IL12B: variants seen among roughly 807,000 people sequenced by gnomAD.
IL12B encodes the protein interleukin 12B.
In IL12B, 27 loss-of-function variants were observed where a neutral mutation model predicts 39.2. The ratio of observed to expected loss-of-function variants is 0.69; its 90% CI spans 0.51 to 0.95. The LOEUF (loss-of-function observed/expected upper bound fraction) is 0.95, where lower values mean the gene tolerates loss of function less well. IL12B is among the 40% of genes least tolerant of loss of function. IL12B has a pLI of 0.00. For synonymous variants in IL12B, 142 were observed against 152.1 expected, an observed-to-expected ratio of 0.93 and a Z score of 0.49; for missense variants, 351 against 397.6, an observed-to-expected ratio of 0.88 and a Z score of 1.00.
intron 7 of IL12B, among the ~76,000 whole-genome samples, 182 bp from the exon 8 acceptor site, chr5:159,316,282 G>T (rs1753988164): frequency 6.6e-6 from 1 of 152,316 alleles, no homozygotes; most frequent in South Asian, 2.1e-4. Context: ...TTTCTTGAGG[G>T]TTTTCTTAAA....
At chr5:159,327,957 C>T (rs1182167458) in intron 1 of IL12B, among the ~76,000 whole-genome samples, 1 of 152,184 alleles carries the variant, frequency 6.6e-6, no homozygotes, top group Non-Finnish European at 1.5e-5. Context: ...CTCCATTCAC[C>T]TTGCAGAGCA....
chr5:159,317,040 G>T (rs890103497), intron 6 of IL12B, among the ~76,000 whole-genome samples: 1 of 152,180 alleles, frequency 6.6e-6, no homozygotes, highest in Non-Finnish European at 1.5e-5. Context: ...GGGAGAAATC[G>T]TTTGGCCCAG....
intron 1 of IL12B, among the ~76,000 whole-genome samples, chr5:159,327,608 T>A (rs191647926): frequency 6.6e-6 from 1 of 152,188 alleles, no homozygotes; most frequent in Admixed American, 6.5e-5. Context: ...GAGTGTCTGA[T>A]TCAGCAGGCA....
At chr5:159,316,206 A>G (rs1279252037) in intron 7 of IL12B, 106 bp from the exon 8 acceptor site, 2 of 158,260 alleles carry the variant, frequency 1.3e-5, no homozygotes, top group East Asian at 1.8e-4. Flanking sequence ...CAGGGATTTC[A>G]TGCCAGAAGG....
At chr5:159,317,217 C>T (rs1431295720) in intron 6 of IL12B, among the ~76,000 whole-genome samples, 6 of 152,310 alleles carry the variant, frequency 3.9e-5, no homozygotes, top group Admixed American at 3.9e-4. Flanking sequence ...AATTCTGGCA[C>T]TGCTACTTAA....
At chr5:159,318,915 C>A (rs1754036838) in intron 5 of IL12B, 22 bp from the exon 6 acceptor site, 1 of 1,607,810 alleles carries the variant, frequency 6.2e-7, no homozygotes, top group Admixed American at 1.7e-5. Context: ...GATAAACATG[C>A]TTTATTTTCC....
rs139890370 is a variant in IL12B, at chr5:159,326,747, G to C, written c.36C>G (p.Ser12=). The part of the protein sequence containing the change: ...CHQQLVISWF[S]LVFLASPLVA... The stretch of plus-strand genomic sequence containing the variant: ...CGAGGGGAGATGCCAGAAAAACCAG[G>C]GAAAACCAAGAGATGACCAACTGCT... Residue 12 remains serine, a synonymous_variant, in exon 2 of 8, where the codon TCC becomes TCG. Coordinates refer to ENST00000231228, the MANE Select transcript of IL12B (RefSeq NM_002187.3). The C allele has an allele frequency of 1.2e-6, 2 of 1,613,384 alleles. No individual in the cohort carries two copies. Among genetic ancestry groups the C allele is most frequent in the African/African-American group, 1.3e-5 (1 of 74,886 alleles).
intron 5 of IL12B, 67 bp from the exon 6 acceptor site, chr5:159,318,960 T>G (rs1430256901): frequency 2.3e-6 from 3 of 1,321,244 alleles, no homozygotes; most frequent in Non-Finnish European, 3.2e-6. Context: ...TTTTGGCTTA[T>G]GATCTCACTT....
intron 3 of IL12B, 30 bp from the exon 4 acceptor site, chr5:159,322,541 T>C: frequency 7.1e-7 from 1 of 1,418,390 alleles, no homozygotes; most frequent in Non-Finnish European, 1.0e-6. Flanking sequence ...AAATTCAATA[T>C]TTAGGAGTTT....
intron 6 of IL12B, among the ~76,000 whole-genome samples, chr5:159,317,675 C>T (rs557735031): frequency 1.3e-5 from 2 of 152,342 alleles, no homozygotes; most frequent in South Asian, 4.1e-4. Flanking sequence ...AAGCCAATAT[C>T]TTAGCCTCTA....
chr5:159,320,013 C>T (rs1038879390), intron 5 of IL12B, among the ~76,000 whole-genome samples: 2 of 152,176 alleles, frequency 1.3e-5, no homozygotes, highest in African/African-American at 4.8e-5. Flanking sequence ...ATCATGGAAA[C>T]TATCTGGCAG....
At chr5:159,323,904 A>G (rs1209448913) in intron 2 of IL12B, among the ~76,000 whole-genome samples, 1 of 142,958 alleles carries the variant, frequency 7.0e-6, no homozygotes, top group Non-Finnish European at 1.5e-5. Flanking sequence ...GATTAAATGA[A>G]AAAAAAAAAA....
intron 5 of IL12B, among the ~76,000 whole-genome samples, chr5:159,319,276 G>T (rs1562111897): frequency 1.3e-5 from 2 of 152,222 alleles, no homozygotes; most frequent in South Asian, 4.1e-4. Flanking sequence ...ATGGAACTAA[G>T]CTGAGCCTCT....
At chr5:159,319,588 C>T (rs3213102) in intron 5 of IL12B, among the ~76,000 whole-genome samples, 2,861 of 152,322 alleles carry the variant, frequency 0.019, 47 homozygotes, top group Non-Finnish European at 0.031. Flanking sequence ...ACAAAGATCA[C>T]GGCTCCTAGC....
intron 1 of IL12B, among the ~76,000 whole-genome samples, chr5:159,329,771 A>T (rs1374991459): frequency 6.6e-6 from 1 of 152,118 alleles, no homozygotes; most frequent in Non-Finnish European, 1.5e-5. Context: ...TTAAAATGAC[A>T]TTGTTGTTGC....
intron 1 of IL12B, among the ~76,000 whole-genome samples, chr5:159,327,865 G>T (rs1215718690): frequency 1.3e-5 from 2 of 152,164 alleles, no homozygotes; most frequent in African/African-American, 4.8e-5. Context: ...AGTATCCAGG[G>T]TTTATGAAAA....
intron 6 of IL12B, 133 bp from the exon 7 acceptor site, chr5:159,316,949 A>G (rs1228730153): frequency 1.0e-6 from 1 of 961,158 alleles, no homozygotes; most frequent in Non-Finnish European, 1.7e-6. Context: ...TGCAATTCAC[A>G]GGGGTGTGCA....
intron 6 of IL12B, 99 bp from the exon 7 acceptor site, chr5:159,316,915 A>G: frequency 7.1e-7 from 1 of 1,404,192 alleles, no homozygotes; most frequent in South Asian, 1.2e-5. Context: ...AAACAAGCCC[A>G]TCTTGGTCTT....
In IL12B at chr5:159,315,118, T is replaced by G. The variant is rs1349832827; in HGVS notation, c.*983A>C. 3 of 152,358 alleles carry G rather than the reference T, an allele frequency of 2.0e-5. No homozygotes were observed. Among genetic ancestry groups the G allele is most frequent in the African/African-American group, 7.2e-5 (3 of 41,450 alleles). The allele number at this position is 152,358 out of a possible 1,614,324, so 9.4% of individuals were successfully genotyped here. A position where few individuals can be genotyped will look rare whatever the true frequency, so the allele number is the denominator to read the frequency against. On this transcript the variant is annotated 3_prime_UTR_variant, in exon 8 of 8. Transcript: ENST00000231228. ...TTGCCTTCCAGACACTTACGGTGTTTCTGTGTCATCCTCCTGTGTCTTTTA... is the reference window on the plus strand; with the variant it reads ...TTGCCTTCCAGACACTTACGGTGTTGCTGTGTCATCCTCCTGTGTCTTTTA...
Sources: allele counts gnomAD v4.1 joint callset (sites outside exome capture counted in the v4.1 genomes callset), GRCh38; gene constraint gnomAD v4.1.1; transcripts MANE v1.5; gene names NCBI Gene and HGNC (gene_info 2026-07-23, HGNC 2026-07-21).